The following CPNE9 variants were observed in gnomAD, a reference collection of about 807,000 sequenced individuals.
CPNE9 encodes copine-9.
In CPNE9, 59 loss-of-function variants were observed where a neutral mutation model predicts 83.0. That is an observed-to-expected ratio of 0.71 (90% CI 0.58 to 0.88). CPNE9 has a LOEUF of 0.88. CPNE9 is among the 40% of genes least tolerant of loss of function. CPNE9 has a pLI of 0.00. For missense variants in CPNE9, 619 were observed against 720.8 expected, an observed-to-expected ratio of 0.86 and a Z score of 1.62; for synonymous variants, 256 against 273.4, an observed-to-expected ratio of 0.94 and a Z score of 0.63.
At chr3:9,712,882 G>C (rs1018756309) in intron 9 of CPNE9, 54 bp downstream of exon 9, 1 of 1,576,844 alleles carries the variant, frequency 6.3e-7, no homozygotes, top group Non-Finnish European at 8.7e-7. Flanking sequence ...TGCTTAACAA[G>C]TGGGGGAATC....
At position 9,718,458 on chromosome 3, in the gene CPNE9, G is replaced by A; in HGVS notation, c.1114-17G>A. 6.2e-7 allele frequency: 1 copy of A among 1,610,402 alleles called. No individual in the cohort carries two copies. The highest frequency in any genetic ancestry group is 8.5e-7 in the Non-Finnish European group (1 of 1,178,070). ...ACCCTGCATGGGCTCAGCCTGGCAG[G>A]GCATATTCTTTGACAGAACAACAAT... is the stretch of plus-strand genomic sequence containing the variant. On this transcript the variant is annotated splice_polypyrimidine_tract_variant and intron_variant, in intron 16 of 20. Coordinates refer to ENST00000383832, the MANE Select transcript of CPNE9 (RefSeq NM_153635.3).
At chr3:9,712,470 C>A in intron 7 of CPNE9, 71 bp from the exon 8 acceptor site, 1 of 1,269,262 alleles carries the variant, frequency 7.9e-7, no homozygotes, top group Non-Finnish European at 1.2e-6. Flanking sequence ...GCCCACCTAA[C>A]CCCAGACTGG....
rs773349642 is a variant in CPNE9 at position 9,705,010 on chromosome 3, G to A, written c.260+16G>A. 1 of 1,584,864 alleles carries A rather than the reference G, an allele frequency of 6.3e-7. No homozygotes were observed. The highest frequency in any genetic ancestry group is 1.1e-5 in the South Asian group (1 of 88,612). On this transcript the variant is annotated intron_variant, in intron 4 of 20. Transcript: ENST00000383832. ...GCTTCGATGTGTGAGGCCCCGCCTG[G>A]AATTCTGGCTTGGCCCGCCCCCGAC...
At chr3:9,715,140 T>C (rs997139425) in intron 11 of CPNE9, 149 bp from the exon 12 acceptor site, 7 of 954,802 alleles carry the variant, frequency 7.3e-6, no homozygotes, top group Middle Eastern at 5.3e-4. Context: ...TTCCCGTTTT[T>C]CCCCTATGTT....
intron 7 of CPNE9, 149 bp downstream of exon 7, chr3:9,706,212 A>G (rs1643311855): frequency 1.5e-6 from 1 of 648,114 alleles, no homozygotes; most frequent in Middle Eastern, 4.1e-4. Flanking sequence ...GAAAAGTCCA[A>G]TTTCCAGTGC....
At chr3:9,729,239 T>C (rs559378783) in intron 20 of CPNE9, among the ~76,000 whole-genome samples, 1 of 152,254 alleles carries the variant, frequency 6.6e-6, no homozygotes, top group South Asian at 2.1e-4. Context: ...TGGACTGATT[T>C]AGCAACACAG....
At chr3:9,720,698 A>G (rs560683993) in intron 17 of CPNE9, among the ~76,000 whole-genome samples, 4 of 152,284 alleles carry the variant, frequency 2.6e-5, no homozygotes, top group African/African-American at 7.2e-5. Context: ...TTTTTCACTA[A>G]TACTGGAACC....
chr3:9,729,135 T>C (rs1359820148), intron 20 of CPNE9, among the ~76,000 whole-genome samples: 1 of 152,086 alleles, frequency 6.6e-6, no homozygotes, highest in Non-Finnish European at 1.5e-5. Flanking sequence ...GAGTGTGGTA[T>C]CAAGAGTGGG....
At position 9,726,024 on chromosome 3, in the gene CPNE9, G is replaced by A. The variant is rs2076781666; in HGVS notation, c.1317G>A (p.Met439Ile). 1 of 1,608,864 alleles carries A rather than the reference G, an allele frequency of 6.2e-7. No individual in the cohort carries two copies. The highest frequency in any genetic ancestry group is 2.3e-5 in the East Asian group (1 of 44,238). The change falls in exon 18 of 21, where the codon ATG (methionine) becomes ATA (isoleucine). Residue 439 changes from methionine (M) to isoleucine (I), a missense_variant. Transcript: ENST00000383832. ...LIITDGVISD[M>I]TQTKEAIVSA... Reference sequence around the variant, plus strand: ...TCACTGATGGGGTCATCTCTGACATGACGCAGACCAAGGAGGCCATCGTCA... The same window carrying A: ...TCACTGATGGGGTCATCTCTGACATAACGCAGACCAAGGAGGCCATCGTCA...
At chr3:9,706,291 G>C (rs1254237454) in intron 7 of CPNE9, among the ~76,000 whole-genome samples, 6 of 144,992 alleles carry the variant, frequency 4.1e-5, no homozygotes, top group African/African-American at 1.3e-4. Flanking sequence ...CTCTCTCTCT[G>C]TTTCTCTCTC....
chr3:9,726,717 T>A lies in CPNE9; in HGVS notation c.1397T>A (p.Phe466Tyr). 6.2e-7 allele frequency: 1 copy of A among 1,613,872 alleles called. No homozygotes were observed. Among genetic ancestry groups the A allele is most frequent in the Non-Finnish European group, 8.5e-7 (1 of 1,179,798 alleles). ...ATCGTCGGTGTAGGACCAGCCATGT[T>A]TGAGGGTGAGTAGGAAGGGGTGTCC... is the stretch of plus-strand genomic sequence containing the variant. ...IIIVGVGPAM[F>Y]EAMEELDGDD... is the part of the protein sequence containing the mutation. The change falls in exon 19 of 21, where the codon TTT (phenylalanine) becomes TAT (tyrosine). Residue 466 changes from phenylalanine to tyrosine, a missense_variant. By Grantham distance (22) the Phe-to-Tyr change is conservative (BLOSUM62 3). Around this residue, in one of 3 missense-constraint regions of CPNE9, gnomAD observed 438 missense variants for 562.9 expected, o/e 0.78. Coordinates refer to ENST00000383832, the MANE Select transcript of CPNE9 (RefSeq NM_153635.3).
chr3:9,708,925 C>T (rs1474110810), intron 7 of CPNE9, among the ~76,000 whole-genome samples: 2 of 151,638 alleles, frequency 1.3e-5, no homozygotes, highest in Non-Finnish European at 2.9e-5. Context: ...TGAGCCACCG[C>T]ACCCGGCCCA....
At chr3:9,727,711 G>T (rs891347235) in intron 20 of CPNE9, among the ~76,000 whole-genome samples, 1 of 152,162 alleles carries the variant, frequency 6.6e-6, no homozygotes, top group Non-Finnish European at 1.5e-5. Flanking sequence ...CAAAATTTGG[G>T]GGTATGTTAG....
At chr3:9,706,282 T>G (rs971946667) in intron 7 of CPNE9, among the ~76,000 whole-genome samples, 2 of 150,524 alleles carry the variant, frequency 1.3e-5, no homozygotes, top group African/African-American at 4.9e-5. Context: ...TTTTTCTCTC[T>G]CTCTCTCTGT....
rs539195173 is a variant in CPNE9 at position 9,726,550 on chromosome 3, C to G, written c.1345-115C>G. On this transcript the variant is annotated intron_variant, in intron 18 of 20. Transcript: ENST00000383832. ...TCTGGGGCAGAGAAAATCAAGGTGC[C>G]TCTGCTTACAAGATGTGCAGAACCA... is the stretch of plus-strand genomic sequence containing the variant. The G allele has an allele frequency of 1.2e-5, 9 of 765,596 alleles. No individual in the cohort carries two copies. In the South Asian group the frequency reaches 1.6e-4, roughly 14 times the overall value. 47.4% of individuals were successfully genotyped at this position (765,596 alleles called of 1,614,324 possible).
intron 11 of CPNE9, 32 bp downstream of exon 11, chr3:9,714,987 T>A: frequency 6.3e-7 from 1 of 1,599,502 alleles, no homozygotes; most frequent in Non-Finnish European, 8.6e-7. Context: ...CCTTCTCCTG[T>A]ACTTGACCCA....
intron 10 of CPNE9, 49 bp from the exon 11 acceptor site, chr3:9,714,865 C>T: frequency 6.6e-7 from 1 of 1,515,052 alleles, no homozygotes; most frequent in Non-Finnish European, 9.1e-7. Context: ...GAGGGTGTCT[C>T]TGGGATTTAT....
At chr3:9,705,425 A>ACCC in intron 4 of CPNE9, 39 bp from the exon 5 acceptor site, 1 of 303,380 alleles carries the variant, frequency 3.3e-6, no homozygotes, top group Non-Finnish European at 5.6e-6. Context: ...CCTCTCCCCC[A>ACCC]CCCAGCCCCA....
chr3:9,705,561 C>G, intron 5 of CPNE9, 61 bp downstream of exon 5: 1 of 1,585,002 alleles, frequency 6.3e-7, no homozygotes, highest in Non-Finnish European at 8.7e-7. Context: ...ATGTGTTCAA[C>G]GACTCTCAGA....
Sources: gnomAD v4.1 joint callset for allele counts (sites outside exome capture counted in the v4.1 genomes callset) on GRCh38, gnomAD v4.1.1 for gene constraint, gnomAD v4.1.1 regional missense constraint, MANE v1.5 for transcripts, NCBI Gene and HGNC (gene_info 2026-07-23, HGNC 2026-07-21) for gene names.